ARHGAP15: variants seen among roughly 807,000 people sequenced by gnomAD.
ARHGAP15 encodes Rho GTPase activating protein 15.
Under a neutral mutation model 63.7 loss-of-function variants are expected in ARHGAP15, and 51 were observed. That is an observed-to-expected ratio of 0.80 (90% confidence interval 0.64 to 1.01). The LOEUF (loss-of-function observed/expected upper bound fraction) is 1.01. Ranked by LOEUF, ARHGAP15 falls within the 50% of genes least tolerant of loss-of-function variation. The probability of loss-of-function intolerance (pLI) is 0.00; values close to 1 mark genes in which losing one functional copy is unlikely to be tolerated. For synonymous variants in ARHGAP15, 191 were observed against 193.8 expected, an observed-to-expected ratio of 0.99 and a Z score of 0.12; for missense variants, 560 against 564.6, an observed-to-expected ratio of 0.99 and a Z score of 0.08.
At chr2:143,559,397 G>A (rs563924029) in intron 11 of ARHGAP15, among the ~76,000 whole-genome samples, 1 of 152,314 alleles carries the variant, frequency 6.6e-6, no homozygotes, top group Non-Finnish European at 1.5e-5. Context: ...ACAGAGGCCT[G>A]AGTTGGTATC....
At chr2:143,207,329 C>T (rs1692370060) in intron 3 of ARHGAP15, among the ~76,000 whole-genome samples, 1 of 152,138 alleles carries the variant, frequency 6.6e-6, no homozygotes, top group Admixed American at 6.6e-5. Flanking sequence ...CCCCAATGAC[C>T]TTGGAAAAGT....
chr2:143,642,889 G>A (rs907444412), intron 12 of ARHGAP15, among the ~76,000 whole-genome samples: 2 of 152,094 alleles, frequency 1.3e-5, no homozygotes, highest in African/African-American at 4.8e-5. Context: ...GTTGAAGGCA[G>A]CAATGATTTT....
intron 13 of ARHGAP15, among the ~76,000 whole-genome samples, chr2:143,758,580 T>G (rs1686659818): frequency 6.6e-6 from 1 of 152,172 alleles, no homozygotes; most frequent in African/African-American, 2.4e-5. Flanking sequence ...GCTTGTTTGC[T>G]TTATTAACTT....
chr2:143,396,135 C>G (rs1574387607), intron 6 of ARHGAP15, among the ~76,000 whole-genome samples: 1 of 152,242 alleles, frequency 6.6e-6, no homozygotes, highest in South Asian at 2.1e-4. Context: ...TACCACAAAT[C>G]AAGATACTTT....
intron 13 of ARHGAP15, among the ~76,000 whole-genome samples, chr2:143,720,457 G>A (rs771685953): frequency 3.3e-5 from 5 of 152,098 alleles, no homozygotes; most frequent in Non-Finnish European, 5.9e-5. Context: ...TCTCGCAACC[G>A]AGACTCCATC....
At chr2:143,338,782 G>A (rs537960511) in intron 6 of ARHGAP15, among the ~76,000 whole-genome samples, 22 of 152,248 alleles carry the variant, frequency 1.4e-4, no homozygotes, top group Admixed American at 2.6e-4. Context: ...CAATGCCCTG[G>A]AGTCAGACTG....
At chr2:143,737,128 T>A (rs1202585377) in intron 13 of ARHGAP15, among the ~76,000 whole-genome samples, 1 of 152,184 alleles carries the variant, frequency 6.6e-6, no homozygotes, top group African/African-American at 2.4e-5. Context: ...CAGTTGAGAG[T>A]CATTAACTAG....
At chr2:143,590,905 C>T (rs551991894) in intron 11 of ARHGAP15, among the ~76,000 whole-genome samples, 33 of 151,938 alleles carry the variant, frequency 2.2e-4, no homozygotes, top group Middle Eastern at 6.8e-3. Flanking sequence ...CTTGTTGCCG[C>T]TGCTTCAAAG....
chr2:143,216,853 A>C (rs889116541), intron 4 of ARHGAP15, among the ~76,000 whole-genome samples: 2 of 152,238 alleles, frequency 1.3e-5, no homozygotes, highest in Non-Finnish European at 2.9e-5. Flanking sequence ...AGCTCAAAAT[A>C]GAAATTGATA....
chr2:143,168,015 T>A (rs1690617836), intron 2 of ARHGAP15, among the ~76,000 whole-genome samples: 2 of 152,234 alleles, frequency 1.3e-5, no homozygotes, highest in South Asian at 4.1e-4. Context: ...GTCATAAATT[T>A]GAAAACTTAG....
chr2:143,260,293 A>G lies in ARHGAP15; in HGVS notation c.474+9693A>G, dbSNP rs542199373. On this transcript the variant is annotated intron_variant, in intron 6 of 13. Coordinates refer to ENST00000295095, the MANE Select transcript of ARHGAP15 (RefSeq NM_018460.4). ...ATTAACTCATTCTTAACAAGAACCAATTAGAATTAGGATATCTCTGTAATT... is the reference window on the plus strand; with the variant it reads ...ATTAACTCATTCTTAACAAGAACCAGTTAGAATTAGGATATCTCTGTAATT... Among the ~76,000 whole-genome samples the G allele has an allele frequency of 1.1e-4, 16 of 152,278 alleles. 1 individual carries two copies. The South Asian group carries it at 1.9e-3, about 18-fold the overall frequency.
At chr2:143,320,412 C>A (rs942974633) in intron 6 of ARHGAP15, among the ~76,000 whole-genome samples, 2 of 50,958 alleles carry the variant, frequency 3.9e-5, no homozygotes, top group Non-Finnish European at 4.4e-5. Flanking sequence ...TTCCCCACCC[C>A]CCCCCCCCCC....
intron 12 of ARHGAP15, among the ~76,000 whole-genome samples, chr2:143,685,582 A>C (rs1229954374): frequency 6.6e-6 from 1 of 152,200 alleles, no homozygotes; most frequent in East Asian, 1.9e-4. Context: ...CATAGTATAC[A>C]TACAAACATC....
At chr2:143,183,519 A>G (rs762383224) in intron 2 of ARHGAP15, among the ~76,000 whole-genome samples, 24 of 152,312 alleles carry the variant, frequency 1.6e-4, no homozygotes, top group South Asian at 2.1e-4. Context: ...ATTCAAACAT[A>G]TCTTTTAAAA....
intron 12 of ARHGAP15, among the ~76,000 whole-genome samples, chr2:143,675,436 A>G (rs1246498650): frequency 6.6e-6 from 1 of 152,164 alleles, no homozygotes; most frequent in African/African-American, 2.4e-5. Flanking sequence ...TAAGGCTTTC[A>G]ATTTACTTCG....
intron 11 of ARHGAP15, among the ~76,000 whole-genome samples, chr2:143,622,777 TATTTAAA>T: frequency 1.1e-5 from 1 of 89,532 alleles, no homozygotes; most frequent in Non-Finnish European, 2.4e-5. Flanking sequence ...ATCGTTCATT[TATTTAAA>T]AAAAAAAAAA....
At chr2:143,377,559 A>T (rs942749349) in intron 6 of ARHGAP15, among the ~76,000 whole-genome samples, 1 of 151,214 alleles carries the variant, frequency 6.6e-6, no homozygotes, top group African/African-American at 2.4e-5. Context: ...TTTGTTTCCT[A>T]TTTTTTTTCA....
At chr2:143,685,013 C>A (rs1229280911) in intron 12 of ARHGAP15, among the ~76,000 whole-genome samples, 1 of 152,188 alleles carries the variant, frequency 6.6e-6, no homozygotes, top group Non-Finnish European at 1.5e-5. Context: ...GCTCATTTGT[C>A]ACAGCCAAAT....
At position 143,734,142 on chromosome 2, in the gene ARHGAP15, G is replaced by A. The variant is rs1018384504; in HGVS notation, c.1244+30618G>A. Among the ~76,000 whole-genome samples, 7 of 152,142 alleles carry A rather than the reference G, an allele frequency of 4.6e-5. 1 individual carries two copies. The East Asian group carries it at 7.7e-4, about 17-fold the overall frequency. ...TGCATGAATGCTAAGTTCTCCCTTC[G>A]AACAGTCACGGTCCTTTTCTCATCA... On this transcript the variant is annotated intron_variant, in intron 13 of 13. Coordinates refer to ENST00000295095, the MANE Select transcript of ARHGAP15 (RefSeq NM_018460.4).
Sources: allele counts gnomAD v4.1 joint callset (sites outside exome capture counted in the v4.1 genomes callset), GRCh38; gene constraint gnomAD v4.1.1; transcripts MANE v1.5; gene names NCBI Gene and HGNC (gene_info 2026-07-23, HGNC 2026-07-21).